SLC2A14: variants seen among roughly 807,000 people sequenced by gnomAD.
The protein encoded by SLC2A14 is solute carrier family 2 member 14.
SLC2A14 carries 13 observed loss-of-function variants against 43.0 expected under a neutral mutation model. The ratio of observed to expected loss-of-function variants is 0.30; its 90% CI spans 0.20 to 0.48. The LOEUF (loss-of-function observed/expected upper bound fraction) is 0.48. Ranked by LOEUF, SLC2A14 falls within the 20% of genes least tolerant of loss-of-function variation. The probability of loss-of-function intolerance (pLI) is 0.99; values close to 1 mark genes in which losing one functional copy is unlikely to be tolerated. For synonymous variants in SLC2A14, 190 were observed against 233.8 expected (o/e 0.81, Z 1.71); for missense variants, 428 against 620.4 (o/e 0.69, Z 3.29).
At chr12:7,885,525 A>G (rs1380874629) in intron 1 of SLC2A14, among the ~76,000 whole-genome samples, 3 of 150,074 alleles carry the variant, frequency 2.0e-5, no homozygotes, top group Non-Finnish European at 4.4e-5. Flanking sequence ...AGCTATTGGA[A>G]ATGATTCATT....
At chr12:7,874,719 AAT>A (rs1565584259), upstream of SLC2A14, among the ~76,000 whole-genome samples, 1 of 61,500 alleles carries the variant, frequency 1.6e-5, no homozygotes, top group East Asian at 2.8e-4. Context: ...TATGTATATA[AAT>A]ATATAAAAAA....
upstream of SLC2A14, chr12:7,873,353 T>C (rs1945343234): frequency 1.0e-6 from 1 of 985,202 alleles, no homozygotes. Context: ...TGTAAAGAGT[T>C]ATTTCGGGCC....
At chr12:7,865,319 C>T (rs1057123912) in intron 2 of SLC2A14, among the ~76,000 whole-genome samples, 2 of 151,984 alleles carry the variant, frequency 1.3e-5, no homozygotes, top group Non-Finnish European at 2.9e-5. Context: ...GGGCGGATCA[C>T]GAGGTCAGGA....
At chr12:7,827,868 C>T (rs997037180) in intron 6 of SLC2A14, among the ~76,000 whole-genome samples, 186 bp from the exon 7 acceptor site, 9 of 152,214 alleles carry the variant, frequency 5.9e-5, no homozygotes, top group African/African-American at 9.6e-5. Flanking sequence ...GAGCCCAGTG[C>T]GGTGGCTCGT....
At chr12:7,827,352 T>C in intron 7 of SLC2A14, 143 bp downstream of exon 7, 1 of 1,203,496 alleles carries the variant, frequency 8.3e-7, no homozygotes, top group East Asian at 2.8e-5. Flanking sequence ...CTCAGCTCAC[T>C]GCAACCTTCG....
At chr12:7,818,705 A>T (rs1417696212) in intron 9 of SLC2A14, among the ~76,000 whole-genome samples, 13 of 101,950 alleles carry the variant, frequency 1.3e-4, no homozygotes, top group Non-Finnish European at 1.9e-4. Flanking sequence ...TTTTTTTTTT[A>T]GAGACAGTTT....
rs137928801 is a variant in SLC2A14, at chr12:7,846,100, AAAAG to A, written c.19-13290_19-13287del. On this transcript the variant is annotated intron_variant, in intron 2 of 10. Coordinates refer to ENST00000431042, the MANE Select transcript of SLC2A14 (RefSeq NM_001286234.2). Reference sequence around the variant, plus strand: ...AAAGGGAGACCTTGTCTAAACAAAAAAAAGAAAGAAAGAAAGAAAAAGAACTAGA... The same window carrying A: ...AAAGGGAGACCTTGTCTAAACAAAAAAAAGAAAGAAAGAAAAAGAACTAGA... Among the ~76,000 whole-genome samples the A allele has an allele frequency of 6.2e-3, 946 of 152,140 alleles. 17 individuals are homozygous for A. The highest frequency in any genetic ancestry group is 0.051 in the Middle Eastern group (15 of 294).
At chr12:7,838,516 C>G (rs1865652368) in intron 2 of SLC2A14, among the ~76,000 whole-genome samples, 1 of 152,074 alleles carries the variant, frequency 6.6e-6, no homozygotes, top group African/African-American at 2.4e-5. Flanking sequence ...TATGCCTGTC[C>G]CACAATTATA....
Position 7,816,599 on chromosome 12 carries a change from C to CA in SLC2A14, c.1275+1231_1275+1232insT, listed in dbSNP as rs754090979. ...TATTCTTAAACTGGGCACCATGGTG[C>CA]CTGCCTGTAATCCCAGCACTTTGGG... On this transcript the variant is annotated intron_variant, in intron 10 of 10. Coordinates refer to ENST00000431042, the MANE Select transcript of SLC2A14 (RefSeq NM_001286234.2). Among the ~76,000 whole-genome samples the CA allele has an allele frequency of 1.1e-4, 17 of 151,554 alleles. 1 individual carries two copies. The South Asian group carries it at 3.4e-3, about 30-fold the overall frequency.
intron 1 of SLC2A14, chr12:7,870,868 C>A: frequency 7.8e-7 from 1 of 1,277,954 alleles, no homozygotes; most frequent in Non-Finnish European, 1.0e-6. Flanking sequence ...AGCAAGTGGA[C>A]CAAAGCCAAG....
chr12:7,882,535 GAT>G (rs1428374917), intron 1 of SLC2A14, among the ~76,000 whole-genome samples: 2 of 151,892 alleles, frequency 1.3e-5, no homozygotes, highest in Non-Finnish European at 2.9e-5. Context: ...AAAAATAAAA[GAT>G]ATTTATTTGA....
chr12:7,843,218 G>A (rs1421880289), intron 2 of SLC2A14, among the ~76,000 whole-genome samples: 1 of 150,630 alleles, frequency 6.6e-6, no homozygotes, highest in Non-Finnish European at 1.5e-5. Flanking sequence ...TCTTCCTGAG[G>A]AAGGCTGACG....
intron 2 of SLC2A14, among the ~76,000 whole-genome samples, chr12:7,869,092 C>T (rs1004885182): frequency 5.3e-5 from 8 of 149,938 alleles, no homozygotes; most frequent in Non-Finnish European, 1.0e-4. Flanking sequence ...TGCGGTGAGC[C>T]GAGATCACAC....
chr12:7,831,456 T>G, intron 4 of SLC2A14, 148 bp downstream of exon 4: 1 of 1,207,730 alleles, frequency 8.3e-7, no homozygotes. Flanking sequence ...AGGGCAGTCA[T>G]ATTCGGGGCC....
chr12:7,885,241 C>T (rs1285361795), intron 1 of SLC2A14, among the ~76,000 whole-genome samples: 1 of 152,102 alleles, frequency 6.6e-6, no homozygotes, highest in Non-Finnish European at 1.5e-5. Flanking sequence ...CCGAGGCGGG[C>T]AGATCACGAG....
At chr12:7,872,545 C>A (rs759345378) in intron 1 of SLC2A14, among the ~76,000 whole-genome samples, 8 of 152,162 alleles carry the variant, frequency 5.3e-5, no homozygotes, top group Non-Finnish European at 7.4e-5. Flanking sequence ...TACAGTCCAG[C>A]AAGGCAAGGG....
rs1864610534 is a variant in SLC2A14 at position 7,827,617 on chromosome 12, C to A, written c.742G>T (p.Ala248Ser). Residue 248 changes from alanine to serine, a missense_variant, in exon 7 of 11, where the codon GCA becomes TCA. Coordinates refer to ENST00000431042, the MANE Select transcript of SLC2A14 (RefSeq NM_001286234.2). ...ACTTGCTTTTCTTGTGACATCCTTGCACTCTCATCTTTCATCTCCTGGATG... is the reference window on the plus strand; with the variant it reads ...ACTTGCTTTTCTTGTGACATCCTTGAACTCTCATCTTTCATCTCCTGGATG... Reference protein sequence around the residue: ...QDIQEMKDESARMSQEKQVTV... With the variant: ...QDIQEMKDESSRMSQEKQVTV... The A allele has an allele frequency of 6.2e-7, 1 of 1,613,162 alleles. No individual in the cohort carries two copies. Among genetic ancestry groups the A allele is most frequent in the African/African-American group, 1.3e-5 (1 of 74,676 alleles).
intron 2 of SLC2A14, among the ~76,000 whole-genome samples, chr12:7,836,727 T>C (rs1865493545): frequency 6.6e-6 from 1 of 151,976 alleles, no homozygotes; most frequent in African/African-American, 2.4e-5. Flanking sequence ...TCCCAGCTAT[T>C]TGGGAGCCTG....
chr12:7,841,789 C>T (rs1206107400), intron 2 of SLC2A14, among the ~76,000 whole-genome samples: 6 of 152,030 alleles, frequency 3.9e-5, no homozygotes, highest in East Asian at 1.9e-4. Context: ...GGGCAGATCA[C>T]GAGGTCAGGA....
Sources: gnomAD v4.1 joint callset for allele counts (sites outside exome capture counted in the v4.1 genomes callset) on GRCh38, gnomAD v4.1.1 for gene constraint, MANE v1.5 for transcripts, NCBI Gene and HGNC (gene_info 2026-07-23, HGNC 2026-07-21) for gene names.